Variants in ZFPM2 observed in about 807,000 individuals in gnomAD.
ZFPM2 encodes zinc finger protein, FOG family member 2.
ZFPM2 carries 20 observed loss-of-function variants against 98.6 expected under a neutral mutation model. The observed-to-expected ratio is 0.20, with a 90% CI of 0.14 to 0.29. The LOEUF (loss-of-function observed/expected upper bound fraction) is 0.29. Among genes scored for constraint, ZFPM2 ranks in the 10% least tolerant of loss-of-function variants. The pLI, the probability that ZFPM2 is intolerant of heterozygous loss-of-function variation, is 1.00. For missense variants in ZFPM2, 1,310 were observed against 1,388.6 expected (o/e 0.94, Z 0.90); for synonymous variants, 518 against 502.7 (o/e 1.03, Z -0.41).
chr8:105,424,007 T>C (rs1417371174), intron 2 of ZFPM2, among the ~76,000 whole-genome samples: 3 of 151,922 alleles, frequency 2.0e-5, no homozygotes, highest in Non-Finnish European at 1.5e-5. Flanking sequence ...ATAACTCAGG[T>C]GAGGGGGGTG....
At chr8:105,518,735 A>G (rs1430739688) in intron 3 of ZFPM2, among the ~76,000 whole-genome samples, 1 of 152,256 alleles carries the variant, frequency 6.6e-6, no homozygotes, top group Non-Finnish European at 1.5e-5. Context: ...AATATGTACT[A>G]GACAAGCAAG....
intron 3 of ZFPM2, among the ~76,000 whole-genome samples, chr8:105,510,848 A>G (rs548565906): frequency 6.6e-6 from 1 of 152,338 alleles, no homozygotes; most frequent in South Asian, 2.1e-4. Flanking sequence ...TCATCACTTC[A>G]TATTCCACAA....
At chr8:105,657,395 T>G (rs2130880089) in intron 5 of ZFPM2, among the ~76,000 whole-genome samples, 1 of 152,310 alleles carries the variant, frequency 6.6e-6, no homozygotes, top group African/African-American at 2.4e-5. Flanking sequence ...CGCCTCGGCC[T>G]CCCAAAGTGC....
intron 4 of ZFPM2, among the ~76,000 whole-genome samples, chr8:105,567,326 T>C (rs1815262510): frequency 6.6e-6 from 1 of 152,196 alleles, no homozygotes; most frequent in Non-Finnish European, 1.5e-5. Flanking sequence ...CTGGGAAAGC[T>C]GGAAGTGCTG....
At chr8:105,767,216 C>A (rs1812873605) in intron 5 of ZFPM2, among the ~76,000 whole-genome samples, 1 of 151,864 alleles carries the variant, frequency 6.6e-6, no homozygotes, top group South Asian at 2.1e-4. Flanking sequence ...ATTTTACATA[C>A]CATCCTGTAT....
At chr8:105,691,804 G>T (rs140968330) in intron 5 of ZFPM2, among the ~76,000 whole-genome samples, 492 of 152,296 alleles carry the variant, frequency 3.2e-3, no homozygotes, top group Non-Finnish European at 5.2e-3. Context: ...CCTGACACAT[G>T]ATAGGTCTAG....
intron 4 of ZFPM2, among the ~76,000 whole-genome samples, chr8:105,571,591 A>G (rs2130721520): frequency 6.6e-6 from 1 of 152,288 alleles, no homozygotes; most frequent in South Asian, 2.1e-4. Context: ...TGATTTCAAA[A>G]CAATTAGTTT....
At chr8:105,545,906 G>A (rs1814687165) in intron 3 of ZFPM2, among the ~76,000 whole-genome samples, 1 of 152,136 alleles carries the variant, frequency 6.6e-6, no homozygotes, top group South Asian at 2.1e-4. Context: ...ATAATATCAG[G>A]ATAATGTCAG....
intron 4 of ZFPM2, among the ~76,000 whole-genome samples, chr8:105,618,747 G>A (rs1238230020): frequency 6.6e-6 from 1 of 152,002 alleles, no homozygotes; most frequent in African/African-American, 2.4e-5. Flanking sequence ...GAGTACTTAA[G>A]TAACTTGCCC....
At chr8:105,715,410 A>G (rs1173135853) in intron 5 of ZFPM2, among the ~76,000 whole-genome samples, 3 of 55,890 alleles carry the variant, frequency 5.4e-5, no homozygotes, top group Non-Finnish European at 1.2e-4. Context: ...CATCTCTTGA[A>G]AAAAAAAAAA....
At chr8:105,711,390 GC>G (rs1206049192) in intron 5 of ZFPM2, among the ~76,000 whole-genome samples, 1 of 151,858 alleles carries the variant, frequency 6.6e-6, no homozygotes, top group Non-Finnish European at 1.5e-5. Flanking sequence ...TCAGATTTCT[GC>G]CTTAAATACT....
At chr8:105,668,941 C>T (rs1449118832) in intron 5 of ZFPM2, among the ~76,000 whole-genome samples, 2 of 152,106 alleles carry the variant, frequency 1.3e-5, no homozygotes, top group Non-Finnish European at 2.9e-5. Context: ...AATTGGTAAA[C>T]TAGTTGATGG....
intron 5 of ZFPM2, among the ~76,000 whole-genome samples, chr8:105,653,506 CA>C (rs1817221849): frequency 6.6e-6 from 1 of 152,168 alleles, no homozygotes; most frequent in African/African-American, 2.4e-5. Flanking sequence ...TGCCAAGCAG[CA>C]ATATAACATT....
intron 4 of ZFPM2, chr8:105,616,694 C>T (rs540322263): frequency 1.3e-5 from 5 of 388,914 alleles, no homozygotes; most frequent in African/African-American, 4.2e-5. Flanking sequence ...AGGTAACCAA[C>T]GGACAGAGAA....
At chr8:105,442,299 G>A (rs1212372550) in intron 2 of ZFPM2, among the ~76,000 whole-genome samples, 1 of 151,996 alleles carries the variant, frequency 6.6e-6, no homozygotes, top group African/African-American at 2.4e-5. Flanking sequence ...AGCCGAGATC[G>A]CGCCACTGCA....
chr8:105,773,730 A>G (rs1030714285), intron 5 of ZFPM2, among the ~76,000 whole-genome samples: 3 of 151,744 alleles, frequency 2.0e-5, no homozygotes, highest in Admixed American at 6.6e-5. Context: ...ACCCCCCACC[A>G]CCATTTCTTT....
chr8:105,649,809 C>T (rs1817130056), intron 5 of ZFPM2, among the ~76,000 whole-genome samples: 1 of 152,124 alleles, frequency 6.6e-6, no homozygotes, highest in Non-Finnish European at 1.5e-5. Context: ...ATTTTTGCAT[C>T]AATGTTCATC....
At position 105,363,949 on chromosome 8, in the gene ZFPM2, A is replaced by G. The variant is rs142364334; in HGVS notation, c.40+44968A>G. 9.3e-3 allele frequency among the ~76,000 whole-genome samples: 1,421 copies of G among 152,252 alleles called. 21 individuals carry two copies. The highest frequency in any genetic ancestry group is 0.033 in the African/African-American group (1,355 of 41,552). On this transcript the variant is annotated intron_variant, in intron 1 of 7. Coordinates refer to ENST00000407775, the MANE Select transcript of ZFPM2 (RefSeq NM_012082.4). ...ATGTGGTTTATAGTCTGTCTTATGT[A>G]CTGCATATTCTTGAAAACTGAGATA...
At chr8:105,626,283 C>T (rs1816652733) in intron 4 of ZFPM2, among the ~76,000 whole-genome samples, 1 of 151,952 alleles carries the variant, frequency 6.6e-6, no homozygotes, top group South Asian at 2.1e-4. Flanking sequence ...TTAAGTAGTC[C>T]AAGATTTTAA....
Sources: allele counts gnomAD v4.1 joint callset (sites outside exome capture counted in the v4.1 genomes callset), GRCh38; gene constraint gnomAD v4.1.1; transcripts MANE v1.5; gene names NCBI Gene and HGNC (gene_info 2026-07-23, HGNC 2026-07-21).